Variants in ADAMTS6 observed in about 807,000 individuals in gnomAD.
ADAMTS6 encodes the protein A disintegrin and metalloproteinase with thrombospondin motifs 6.
Under a neutral mutation model 144.3 loss-of-function variants are expected in ADAMTS6, and 23 were observed. The observed-to-expected ratio is 0.16, with a 90% CI of 0.11 to 0.23. The LOEUF is 0.23. ADAMTS6 is among the 10% of genes least tolerant of loss of function. The pLI, the probability that ADAMTS6 is intolerant of heterozygous loss-of-function variation, is 1.00. For missense variants in ADAMTS6, 999 were observed against 1,379.6 expected (o/e 0.72, Z 4.37); for synonymous variants, 444 against 457.5 (o/e 0.97, Z 0.38).
At chr5:65,408,610 G>A (rs1355077150) in intron 7 of ADAMTS6, among the ~76,000 whole-genome samples, 1 of 152,090 alleles carries the variant, frequency 6.6e-6, no homozygotes, top group Admixed American at 6.5e-5. Context: ...AGTTAACAGA[G>A]ATATCCAGGA....
intron 22 of ADAMTS6, among the ~76,000 whole-genome samples, chr5:65,175,398 G>A (rs201513981): frequency 1.3e-5 from 2 of 149,708 alleles, no homozygotes; most frequent in Non-Finnish European, 1.5e-5. Context: ...AGAAGTTAAG[G>A]AAAAAAAAAC....
chr5:65,318,090 A>G (rs562902370), intron 9 of ADAMTS6, among the ~76,000 whole-genome samples: 3 of 150,256 alleles, frequency 2.0e-5, no homozygotes, highest in Middle Eastern at 3.4e-3. Flanking sequence ...AAAAAAAAAA[A>G]AAGAAGATAT....
intron 9 of ADAMTS6, among the ~76,000 whole-genome samples, chr5:65,323,591 T>A (rs1480408326): frequency 6.6e-6 from 1 of 152,094 alleles, no homozygotes; most frequent in Non-Finnish European, 1.5e-5. Flanking sequence ...TGTGCATGTG[T>A]CTTTATAGCA....
chr5:65,220,256 T>C (rs558677830), intron 18 of ADAMTS6, among the ~76,000 whole-genome samples: 1 of 152,122 alleles, frequency 6.6e-6, no homozygotes, highest in Non-Finnish European at 1.5e-5. Context: ...AGTCACAAGA[T>C]AAATAAGGAA....
In ADAMTS6 at chr5:65,168,455, C is replaced by T. The variant is rs1392216492; in HGVS notation, c.3244+2162G>A. Among the ~76,000 whole-genome samples the T allele has an allele frequency of 3.5e-3, 493 of 142,326 alleles. 2 individuals carry two copies. The highest frequency in any genetic ancestry group is 7.1e-3 in the Middle Eastern group (2 of 282). The allele number at this position is 142,326 out of a possible 152,430, so 93.4% of individuals were successfully genotyped here. ...AATCAATATCGTGAAAATGGCCATA[C>T]TGCCCAAGGTAATTTACAGATTCAA... On this transcript the variant is annotated intron_variant, in intron 24 of 24. Transcript: ENST00000381055.
Position 65,151,471 on chromosome 5 carries a change from G to T in ADAMTS6, c.*365C>A. The T allele has an allele frequency of 5.3e-6, 1 of 188,322 alleles. No individual in the cohort carries two copies. Among genetic ancestry groups the T allele is most frequent in the Non-Finnish European group, 1.1e-5 (1 of 91,530 alleles). 11.7% of individuals were successfully genotyped at this position (188,322 alleles called of 1,614,324 possible). A position where few individuals can be genotyped will look rare whatever the true frequency, so the allele number is the denominator to read the frequency against. ...ATTTTAAACAGTTTTAAATACAAAT[G>T]GATTCAGTGTCATTGCTAAGTCCAT... On this transcript the variant is annotated 3_prime_UTR_variant, in exon 25 of 25. Transcript: ENST00000381055.
intron 24 of ADAMTS6, among the ~76,000 whole-genome samples, chr5:65,162,259 G>A (rs1367344031): frequency 2.6e-5 from 4 of 152,108 alleles, no homozygotes; most frequent in Non-Finnish European, 4.4e-5. Flanking sequence ...CTGAAATGAA[G>A]GTATGAGCAT....
chr5:65,225,934 T>C, intron 16 of ADAMTS6, 152 bp downstream of exon 16: 1 of 806,308 alleles, frequency 1.2e-6, no homozygotes. Context: ...TCATTTTACC[T>C]TTACATATTT....
intron 7 of ADAMTS6, among the ~76,000 whole-genome samples, chr5:65,338,412 T>C (rs1411714813): frequency 6.6e-6 from 1 of 152,282 alleles, no homozygotes; most frequent in African/African-American, 2.4e-5. Context: ...GTTGGTATAC[T>C]TTTTGGGTAT....
At chr5:65,426,030 C>T (rs1406670951) in intron 7 of ADAMTS6, among the ~76,000 whole-genome samples, 1 of 150,226 alleles carries the variant, frequency 6.7e-6, no homozygotes, top group Non-Finnish European at 1.5e-5. Flanking sequence ...GGATTACAGG[C>T]GTGAGCCACC....
intron 9 of ADAMTS6, among the ~76,000 whole-genome samples, chr5:65,305,657 T>G (rs1743871461): frequency 6.6e-6 from 1 of 151,964 alleles, no homozygotes; most frequent in South Asian, 2.1e-4. Flanking sequence ...TCATTGCCAG[T>G]TTTATGTGTT....
intron 1 of ADAMTS6, among the ~76,000 whole-genome samples, chr5:65,477,556 A>G (rs1484556417): frequency 1.3e-5 from 2 of 152,190 alleles, no homozygotes; most frequent in Non-Finnish European, 2.9e-5. Flanking sequence ...AGCCAGTAGC[A>G]TTGAGAAAAA....
At chr5:65,443,789 A>C (rs1402192984) in intron 7 of ADAMTS6, among the ~76,000 whole-genome samples, 2 of 151,558 alleles carry the variant, frequency 1.3e-5, no homozygotes, top group African/African-American at 4.8e-5. Flanking sequence ...AAAAAAAAAA[A>C]CTCTCAGCAA....
intron 3 of ADAMTS6, among the ~76,000 whole-genome samples, chr5:65,461,099 T>C (rs1178359973): frequency 6.6e-6 from 1 of 152,336 alleles, no homozygotes; most frequent in African/African-American, 2.4e-5. Context: ...CTGCCCTTAC[T>C]TACAGTATTA....
intron 7 of ADAMTS6, among the ~76,000 whole-genome samples, chr5:65,392,796 C>A (rs184730900): frequency 8.6e-4 from 131 of 152,210 alleles, no homozygotes; most frequent in Non-Finnish European, 1.6e-3. Context: ...AATAAAAAAT[C>A]TCTTCGATTG....
At chr5:65,431,171 A>T (rs1249971893) in intron 7 of ADAMTS6, among the ~76,000 whole-genome samples, 2 of 151,990 alleles carry the variant, frequency 1.3e-5, no homozygotes, top group Non-Finnish European at 2.9e-5. Flanking sequence ...TTTCCCTATT[A>T]CTTTTTCCAG....
chr5:65,472,882 C>G (rs1030645062), intron 2 of ADAMTS6, among the ~76,000 whole-genome samples: 3 of 152,136 alleles, frequency 2.0e-5, no homozygotes, highest in Non-Finnish European at 4.4e-5. Flanking sequence ...TCTTGAAAAT[C>G]TGGTTCATCG....
chr5:65,284,274 A>C (rs1174565460), intron 11 of ADAMTS6, among the ~76,000 whole-genome samples: 2 of 152,056 alleles, frequency 1.3e-5, no homozygotes, highest in Admixed American at 1.3e-4. Flanking sequence ...CAGAGAACTC[A>C]ACTATCTTGT....
chr5:65,430,529 C>T (rs1019161757), intron 7 of ADAMTS6, among the ~76,000 whole-genome samples: 1 of 152,176 alleles, frequency 6.6e-6, no homozygotes, highest in Non-Finnish European at 1.5e-5. Context: ...GTCTCACAGA[C>T]AAGACCTATA....
Sources: allele counts gnomAD v4.1 joint callset (sites outside exome capture counted in the v4.1 genomes callset), GRCh38; gene constraint gnomAD v4.1.1; transcripts MANE v1.5; gene names NCBI Gene and HGNC (gene_info 2026-07-23, HGNC 2026-07-21).